The following PAK3 variants were observed in gnomAD, a reference collection of about 807,000 sequenced individuals.
PAK3 encodes p21 (RAC1) activated kinase 3.
In PAK3, 4 loss-of-function variants were observed where a neutral mutation model predicts 41.0. The observed-to-expected ratio is 0.10, with a 90% confidence interval of 0.05 to 0.22. The LOEUF (loss-of-function observed/expected upper bound fraction) is 0.22. PAK3 is among the 10% of genes least tolerant of loss of function. The probability of loss-of-function intolerance (pLI) is 1.00; values close to 1 mark genes in which losing one functional copy is unlikely to be tolerated. For synonymous variants in PAK3, 146 were observed against 139.6 expected (o/e 1.05, Z -0.32); for missense variants, 205 against 409.9 (o/e 0.50, Z 4.32).
chrX:110,985,862 C>T (rs1036972644), intron 1 of PAK3, among the ~76,000 whole-genome samples: 13 of 111,765 alleles, frequency 1.2e-4, no homozygotes, highest in African/African-American at 4.2e-4. Flanking sequence ...TCAAAGCTTT[C>T]TTTTGTGTTG....
At chrX:111,127,838 A>C (rs780884384) in intron 5 of PAK3, among the ~76,000 whole-genome samples, 1 of 111,540 alleles carries the variant, frequency 9.0e-6, no homozygotes, top group Non-Finnish European at 1.9e-5. Context: ...TTACTTTCTT[A>C]TCTACTTTGA....
chrX:111,000,808 G>A (rs2091833296), intron 1 of PAK3, among the ~76,000 whole-genome samples: 2 of 112,062 alleles, frequency 1.8e-5, no homozygotes, highest in South Asian at 7.6e-4. Context: ...TGGGGCTTAA[G>A]TGCTGGAATT....
rs754406753 is a variant in PAK3, at chrX:111,118,251, T to A, written c.-27-4826T>A. On this transcript the variant is annotated intron_variant, in intron 4 of 17. Coordinates refer to ENST00000372007, the MANE Select transcript of PAK3 (RefSeq NM_002578.5). ...ATAAGTGAGGTGGTTGGTTCTTTTGTAAATAACGCATCTAAGATAAAGTGG... is the reference window on the plus strand; with the variant it reads ...ATAAGTGAGGTGGTTGGTTCTTTTGAAAATAACGCATCTAAGATAAAGTGG... Among the ~76,000 whole-genome samples, 19 of 111,824 alleles carry A rather than the reference T, an allele frequency of 1.7e-4. 1 individual carries two copies. In the East Asian group the frequency reaches 4.2e-3, roughly 25 times the overall value.
At chrX:110,975,238 G>A (rs2091303753) in intron 1 of PAK3, among the ~76,000 whole-genome samples, 1 of 112,143 alleles carries the variant, frequency 8.9e-6, no homozygotes, top group African/African-American at 3.2e-5. Context: ...ATCTCCTTAA[G>A]CAGATAAGCA....
intron 1 of PAK3, among the ~76,000 whole-genome samples, chrX:110,997,014 G>T (rs1201965494): frequency 8.9e-6 from 1 of 112,101 alleles, no homozygotes; most frequent in Non-Finnish European, 1.9e-5. Flanking sequence ...AGACCTGAAA[G>T]AAGTGACAGA....
chrX:110,963,333 G>C (rs2091017129), intron 1 of PAK3, among the ~76,000 whole-genome samples: 1 of 112,042 alleles, frequency 8.9e-6, no homozygotes, highest in Non-Finnish European at 1.9e-5. Context: ...AATTCCCAGT[G>C]AGCTCTTTGT....
chrX:111,087,772 A>C (rs750525331), intron 1 of PAK3, among the ~76,000 whole-genome samples: 48 of 108,031 alleles, frequency 4.4e-4, no homozygotes, highest in Admixed American at 1.8e-3. Flanking sequence ...AAAACAAAAA[A>C]AAAAAAAACA....
rs746630208 is a variant in PAK3, at chrX:111,170,807, G to A, written c.767-2211G>A. Among the ~76,000 whole-genome samples the A allele has an allele frequency of 5.4e-5, 6 of 111,493 alleles. No homozygotes were observed. The South Asian group carries it at 2.3e-3, about 43-fold the overall frequency. Reference sequence around the variant, plus strand: ...AAGCCCTAAGCACTAGATAGTGATAGCATTACTAGGATATAAAGTAGTAAG... The same window carrying A: ...AAGCCCTAAGCACTAGATAGTGATAACATTACTAGGATATAAAGTAGTAAG... On this transcript the variant is annotated intron_variant, in intron 10 of 17. Transcript: ENST00000372007.
intron 1 of PAK3, among the ~76,000 whole-genome samples, chrX:111,083,584 CT>C (rs1250025325): frequency 7.3e-4 from 82 of 112,353 alleles, no homozygotes; most frequent in Non-Finnish European, 3.6e-4. Flanking sequence ...ACATTTCCTC[CT>C]TTCCTTTGCC....
At chrX:110,964,965 T>C (rs1408407817) in intron 1 of PAK3, among the ~76,000 whole-genome samples, 1 of 111,822 alleles carries the variant, frequency 8.9e-6, no homozygotes, top group African/African-American at 3.3e-5. Flanking sequence ...AGCTGCTGCT[T>C]GTGTGGGTGC....
At position 111,163,613 on chromosome X, in the gene PAK3, A is replaced by G. The variant is rs2094217118; in HGVS notation, c.652A>G (p.Lys218Glu). ...CATTGCTTCACCAGCAGTACCAAAT[A>G]AAGAGGTCACACCACCCTCTGCTGA... ...ESIASPAVPNKEVTPPSAENA... is the reference protein window; with the variant it reads ...ESIASPAVPNEEVTPPSAENA... Residue 218 changes from lysine (K) to glutamate (E), a missense_variant, in exon 10 of 18, where the codon AAA (lysine) becomes GAA (glutamate). Lys to Glu is a moderately conservative substitution (Grantham distance 56). Coordinates refer to ENST00000372007, the MANE Select transcript of PAK3 (RefSeq NM_002578.5). The G allele has an allele frequency of 8.4e-7, 1 of 1,195,615 alleles. No homozygotes were observed. Among genetic ancestry groups the G allele is most frequent in the South Asian group, 1.8e-5 (1 of 56,507 alleles).
Position 111,030,215 on chromosome X carries a change from G to GT in PAK3, c.-28+85596dup, listed in dbSNP as rs200796166. ...TATGCATTCATAACATATCTTTTTG[G>GT]TTTTTTTTTAAATATTTCTAGGCAA... On this transcript the variant is annotated intron_variant, in intron 1 of 14. Transcript: ENST00000425146. 7.1e-4 allele frequency among the ~76,000 whole-genome samples: 78 copies of GT among 109,115 alleles called. No homozygotes were observed. In the East Asian group the frequency reaches 0.013, roughly 19 times the overall value. The allele number at this position is 109,115 out of a possible 115,157, so 94.8% of individuals were successfully genotyped here.
At chrX:111,158,405 T>C (rs2094133943) in intron 8 of PAK3, among the ~76,000 whole-genome samples, 1 of 112,220 alleles carries the variant, frequency 8.9e-6, no homozygotes, top group African/African-American at 3.2e-5. Context: ...TGTCTTGATA[T>C]TGACTAACAC....
intron 4 of PAK3, among the ~76,000 whole-genome samples, chrX:111,109,530 C>T (rs1414547946): frequency 1.8e-5 from 2 of 112,093 alleles, no homozygotes; most frequent in African/African-American, 6.5e-5. Flanking sequence ...ACATGTTTAT[C>T]TTGCAGAAAT....
At chrX:111,012,721 C>A (rs778613645) in intron 1 of PAK3, among the ~76,000 whole-genome samples, 1 of 112,233 alleles carries the variant, frequency 8.9e-6, no homozygotes, top group African/African-American at 3.2e-5. Flanking sequence ...ATGGTGGGTA[C>A]ATGGGGGTTC....
chrX:111,187,666 A>G (rs1200133223), intron 11 of PAK3, among the ~76,000 whole-genome samples: 1 of 111,304 alleles, frequency 9.0e-6, no homozygotes, highest in African/African-American at 3.3e-5. Context: ...AATTGTTAGA[A>G]TATGTAAAAG....
chrX:110,963,368 A>G (rs1344281171), intron 1 of PAK3, among the ~76,000 whole-genome samples: 1 of 111,921 alleles, frequency 8.9e-6, no homozygotes, highest in African/African-American at 3.3e-5. Flanking sequence ...AGTTGCCCTC[A>G]TTTACTCTTC....
In PAK3 at chrX:111,220,966, A is replaced by AC. The variant is rs1262898722; in HGVS notation, c.*520dup. The AC allele has an allele frequency of 7.3e-5, 8 of 109,441 alleles. No individual in the cohort carries two copies. The highest frequency in any genetic ancestry group is 2.8e-4 in the African/African-American group (8 of 28,604). 9.0% of individuals were successfully genotyped at this position (109,441 alleles called of 1,213,427 possible). ...AAGGCAAAAAAAAAAAAAAAAACAA[A>AC]CAAAAACAAAAACAAAACAAAAACA... is the stretch of plus-strand genomic sequence containing the variant. On this transcript the variant is annotated 3_prime_UTR_variant, in exon 18 of 18. Transcript: ENST00000372007.
At chrX:111,009,173 C>G (rs2091975457) in intron 1 of PAK3, among the ~76,000 whole-genome samples, 1 of 111,416 alleles carries the variant, frequency 9.0e-6, no homozygotes, top group Admixed American at 9.5e-5. Flanking sequence ...CAGAGGAAGG[C>G]AGGGCTCATT....
Sources: allele counts gnomAD v4.1 joint callset (sites outside exome capture counted in the v4.1 genomes callset), GRCh38; gene constraint gnomAD v4.1.1; transcripts MANE v1.5; gene names NCBI Gene and HGNC (gene_info 2026-07-23, HGNC 2026-07-21).